Variants in SUMF1 observed in about 807,000 individuals in gnomAD.
The protein encoded by SUMF1 is formylglycine-generating enzyme.
SUMF1 carries 48 observed loss-of-function variants against 47.6 expected under a neutral mutation model. The ratio of observed to expected loss-of-function variants is 1.01; its 90% confidence interval spans 0.80 to 1.28. The LOEUF (loss-of-function observed/expected upper bound fraction) is 1.28. Ranked by LOEUF, SUMF1 falls within the 50% of genes most tolerant of loss-of-function variation. SUMF1 has a pLI of 0.00. For synonymous variants in SUMF1, 230 were observed against 192.1 expected (o/e 1.20, Z -1.63); for missense variants, 571 against 485.4 (o/e 1.18, Z -1.66).
chr3:4,320,661 G>GT (rs1446360009), intron 8 of SUMF1, among the ~76,000 whole-genome samples: 6 of 152,184 alleles, frequency 3.9e-5, no homozygotes, highest in Non-Finnish European at 5.9e-5. Context: ...TTGTTTAGGA[G>GT]TTTTTTATTG....
chr3:4,443,803 TAAAAAG>T (rs1702687522), intron 3 of SUMF1, among the ~76,000 whole-genome samples: 1 of 151,384 alleles, frequency 6.6e-6, no homozygotes, highest in Non-Finnish European at 1.5e-5. Flanking sequence ...AAAAAATGAT[TAAAAAG>T]AAAGTGATAA....
chr3:4,324,557 G>C (rs1698902855), intron 8 of SUMF1, among the ~76,000 whole-genome samples: 1 of 152,166 alleles, frequency 6.6e-6, no homozygotes, highest in Non-Finnish European at 1.5e-5. Flanking sequence ...GTGAGGCTCT[G>C]ATTAGCTTCA....
At chr3:4,198,885 A>C (rs1415920731) in intron 8 of SUMF1, among the ~76,000 whole-genome samples, 1 of 152,130 alleles carries the variant, frequency 6.6e-6, no homozygotes, top group Non-Finnish European at 1.5e-5. Context: ...AAAAGAGTCT[A>C]CTCACTTTAA....
chr3:4,279,327 A>C (rs1277607078), intron 8 of SUMF1, among the ~76,000 whole-genome samples: 1 of 152,206 alleles, frequency 6.6e-6, no homozygotes, highest in Non-Finnish European at 1.5e-5. Flanking sequence ...TGTAGAAACA[A>C]AACAATCAAG....
At chr3:4,207,667 C>G (rs1033939285) in intron 8 of SUMF1, among the ~76,000 whole-genome samples, 3 of 152,064 alleles carry the variant, frequency 2.0e-5, no homozygotes, top group African/African-American at 7.2e-5. Context: ...AATCACTACT[C>G]CATCCAAACA....
In SUMF1 at chr3:4,221,264, C is replaced by A. The variant is rs34905781; in HGVS notation, c.1015-152519G>T. Among the ~76,000 whole-genome samples the A allele has an allele frequency of 3.0e-4, 46 of 152,076 alleles. No homozygotes were observed. In the East Asian group the frequency reaches 6.8e-3, roughly 22 times the overall value. ...AGTACTAAGATGAACAACACATGTT[C>A]CTTGCCTTCTTAGAGCTAGTTAGAG... On this transcript the variant is annotated intron_variant and NMD_transcript_variant, in intron 8 of 12. Transcript: ENST00000448413.
intron 8 of SUMF1, among the ~76,000 whole-genome samples, chr3:4,117,531 G>T (rs567561179): frequency 2.0e-5 from 3 of 152,128 alleles, no homozygotes; most frequent in Admixed American, 6.5e-5. Flanking sequence ...GAAAATAGGT[G>T]GCTTCGTAAG....
At chr3:4,424,277 TCA>T (rs907254414) in intron 3 of SUMF1, among the ~76,000 whole-genome samples, 4 of 152,150 alleles carry the variant, frequency 2.6e-5, no homozygotes, top group African/African-American at 9.7e-5. Flanking sequence ...ACACTTTCTC[TCA>T]TTCTAGACAC....
intron 6 of SUMF1, among the ~76,000 whole-genome samples, chr3:4,412,961 T>C (rs940053981): frequency 3.3e-5 from 5 of 152,040 alleles, no homozygotes; most frequent in Non-Finnish European, 5.9e-5. Context: ...AGAGCACAGG[T>C]GGAGGTGCTC....
chr3:4,132,165 C>T (rs1693807150), intron 8 of SUMF1, among the ~76,000 whole-genome samples: 1 of 152,154 alleles, frequency 6.6e-6, no homozygotes, highest in Non-Finnish European at 1.5e-5. Context: ...GTTTTCCTAT[C>T]CCGCTCACAA....
intron 8 of SUMF1, among the ~76,000 whole-genome samples, chr3:4,234,560 C>G (rs759678784): frequency 5.3e-5 from 8 of 152,068 alleles, no homozygotes; most frequent in Non-Finnish European, 1.0e-4. Context: ...ATATACAGAA[C>G]TCACAGCCTA....
At chr3:4,106,719 G>C (rs1044654921) in intron 8 of SUMF1, among the ~76,000 whole-genome samples, 1 of 152,036 alleles carries the variant, frequency 6.6e-6, no homozygotes, top group Non-Finnish European at 1.5e-5. Context: ...AAATTAATTT[G>C]TCCTCCCAAT....
At chr3:4,441,034 G>A (rs190192532) in intron 3 of SUMF1, among the ~76,000 whole-genome samples, 2 of 152,162 alleles carry the variant, frequency 1.3e-5, no homozygotes, top group Non-Finnish European at 2.9e-5. Context: ...CCAACCCCTG[G>A]ACCACAAACC....
At chr3:4,300,119 A>C (rs1210765617) in intron 8 of SUMF1, among the ~76,000 whole-genome samples, 1 of 152,206 alleles carries the variant, frequency 6.6e-6, no homozygotes, top group South Asian at 2.1e-4. Flanking sequence ...TGGGTGCTAA[A>C]GCACCATCCC....
chr3:4,321,176 T>C (rs933940014), intron 8 of SUMF1, among the ~76,000 whole-genome samples: 1 of 152,108 alleles, frequency 6.6e-6, no homozygotes, highest in Non-Finnish European at 1.5e-5. Context: ...TGAACTCACA[T>C]TTAGCTTAGT....
intron 8 of SUMF1, among the ~76,000 whole-genome samples, chr3:4,220,834 C>T (rs1164003133): frequency 6.6e-6 from 1 of 152,110 alleles, no homozygotes; most frequent in Non-Finnish European, 1.5e-5. Context: ...TCTAAGTTGA[C>T]TTCTCTGGAT....
intron 8 of SUMF1, among the ~76,000 whole-genome samples, chr3:4,281,950 A>G (rs1273450448): frequency 6.6e-6 from 1 of 152,228 alleles, no homozygotes; most frequent in Non-Finnish European, 1.5e-5. Context: ...ATTCAGTAAA[A>G]TAGCAAAGAC....
At chr3:4,043,557 A>C (rs911612803) in intron 9 of SUMF1, among the ~76,000 whole-genome samples, 2 of 152,026 alleles carry the variant, frequency 1.3e-5, no homozygotes, top group African/African-American at 4.8e-5. Flanking sequence ...TCCAGGCGCG[A>C]ATTTACCATG....
intron 8 of SUMF1, among the ~76,000 whole-genome samples, chr3:4,132,470 C>G (rs600565): frequency 0.72 from 109,667 of 151,968 alleles, 39,715 homozygotes; most frequent in Admixed American, 0.77. Context: ...CTCTGAATCA[C>G]CATCCAATAT....
Sources: gnomAD v4.1 joint callset for allele counts (sites outside exome capture counted in the v4.1 genomes callset) on GRCh38, gnomAD v4.1.1 for gene constraint, MANE v1.5 for transcripts, NCBI Gene and HGNC (gene_info 2026-07-23, HGNC 2026-07-21) for gene names.